The following DIP2A variants were observed in gnomAD, a reference collection of about 807,000 sequenced individuals.
DIP2A encodes disco-interacting protein 2 homolog A.
A neutral mutation model predicts 177.4 loss-of-function variants in DIP2A; 85 were observed. The observed-to-expected ratio is 0.48, with a 90% CI of 0.40 to 0.57. The LOEUF is 0.57. DIP2A is among the 20% of genes least tolerant of loss of function. The pLI, the probability that DIP2A is intolerant of heterozygous loss-of-function variation, is 0.00. For missense variants in DIP2A, 1,791 were observed against 2,100.2 expected, an observed-to-expected ratio of 0.85 and a Z score of 2.88; for synonymous variants, 886 against 881.8, an observed-to-expected ratio of 1.00 and a Z score of -0.08.
intron 34 of DIP2A, among the ~76,000 whole-genome samples, chr21:46,562,998 AC>A (rs898107479): frequency 2.6e-5 from 4 of 151,544 alleles, no homozygotes; most frequent in Non-Finnish European, 5.9e-5. Context: ...TGTTTAGCTC[AC>A]CCCCTTTTAT....
intron 35 of DIP2A, among the ~76,000 whole-genome samples, chr21:46,565,162 T>TA (rs1247118996): frequency 6.6e-6 from 1 of 152,212 alleles, no homozygotes; most frequent in Non-Finnish European, 1.5e-5. Context: ...ACAAAATGCT[T>TA]ACGTGTGTAG....
chr21:46,533,725 C>A, intron 11 of DIP2A, 78 bp downstream of exon 11: 2 of 1,589,336 alleles, frequency 1.3e-6, no homozygotes, highest in Non-Finnish European at 8.6e-7. Context: ...AGAAATTAAA[C>A]ATGACAGAGG....
chr21:46,525,384 C>G (rs1288665859), intron 8 of DIP2A, among the ~76,000 whole-genome samples: 1 of 152,164 alleles, frequency 6.6e-6, no homozygotes, highest in Non-Finnish European at 1.5e-5. Context: ...CTGTCCCGTT[C>G]TTGTCTAAGG....
intron 1 of DIP2A, among the ~76,000 whole-genome samples, chr21:46,477,609 T>C (rs1010190203): frequency 7.1e-6 from 1 of 141,076 alleles, no homozygotes; most frequent in African/African-American, 2.6e-5. Context: ...AGTCTTGTCC[T>C]GTCGCCCAGG....
At chr21:46,461,990 G>T (rs1303656120) in intron 1 of DIP2A, among the ~76,000 whole-genome samples, 1 of 152,210 alleles carries the variant, frequency 6.6e-6, no homozygotes, top group South Asian at 2.1e-4. Context: ...TGACGAGGTT[G>T]TGAGCCTTTA....
chr21:46,493,083 T>G (rs1267959550), intron 3 of DIP2A, among the ~76,000 whole-genome samples: 1 of 152,164 alleles, frequency 6.6e-6, no homozygotes, highest in African/African-American at 2.4e-5. Flanking sequence ...ACCTTGATCT[T>G]GGACATACAG....
chr21:46,458,988 C>T lies in DIP2A; in HGVS notation c.-144C>T. The T allele has an allele frequency of 8.1e-6, 5 of 616,470 alleles. No homozygotes were observed. Among genetic ancestry groups the T allele is most frequent in the Admixed American group, 4.4e-5 (1 of 22,530 alleles). The allele number at this position is 616,470 out of a possible 1,614,324, so 38.2% of individuals were successfully genotyped here. Reference sequence around the variant, plus strand: ...CGCGCGGGTGCGTTGCTGTCCTGGCCGCGCCCCTGTCCCGCCGCCTCCCGC... The same window carrying T: ...CGCGCGGGTGCGTTGCTGTCCTGGCTGCGCCCCTGTCCCGCCGCCTCCCGC... On this transcript the variant is annotated 5_prime_UTR_variant, in exon 1 of 38. Transcript: ENST00000417564.
At chr21:46,548,943 C>A (rs955716498) in intron 21 of DIP2A, among the ~76,000 whole-genome samples, 4 of 152,232 alleles carry the variant, frequency 2.6e-5, no homozygotes, top group African/African-American at 9.6e-5. Context: ...TCCAAATTGT[C>A]ACTTTATTGT....
intron 1 of DIP2A, among the ~76,000 whole-genome samples, chr21:46,460,032 G>T (rs749440070): frequency 6.6e-6 from 1 of 152,156 alleles, no homozygotes; most frequent in Admixed American, 6.5e-5. Flanking sequence ...CTTGCCGCGC[G>T]CCTCATACTC....
rs2060463994 is a variant in DIP2A, at chr21:46,556,278, G to GT, written c.3498+191dup. The GT allele has an allele frequency of 2.0e-6, 3 of 1,479,826 alleles. No homozygotes were observed. Among genetic ancestry groups the GT allele is most frequent in the Non-Finnish European group, 2.8e-6 (3 of 1,086,944 alleles). 91.7% of individuals were successfully genotyped at this position (1,479,826 alleles called of 1,614,324 possible). ...GATGTGATTAGCCTGAGAGTAATGC[G>GT]TTTTCTGATGCATTATGGTTATGTC... On this transcript the variant is annotated intron_variant, in intron 29 of 37. Transcript: ENST00000417564. The surrounding 1 kb of genome is among the most constrained non-coding windows in gnomAD (Gnocchi z 4.5).
At position 46,569,521 on chromosome 21, in the gene DIP2A, T is replaced by C. The variant is rs1006214825; in HGVS notation, c.*1899T>C. Reference sequence around the variant, plus strand: ...AAACTACCTAACTCCAATCTTAATGTTGTAGTTTTATAGCAAACAAAAATT... The same window carrying C: ...AAACTACCTAACTCCAATCTTAATGCTGTAGTTTTATAGCAAACAAAAATT... On this transcript the variant is annotated 3_prime_UTR_variant, in exon 38 of 38. Coordinates refer to ENST00000417564, the MANE Select transcript of DIP2A (RefSeq NM_015151.4). 3 of 151,718 alleles carry C rather than the reference T, an allele frequency of 2.0e-5. No homozygotes were observed. The highest frequency in any genetic ancestry group is 7.3e-5 in the African/African-American group (3 of 41,312). 9.4% of individuals were successfully genotyped at this position (151,718 alleles called of 1,614,324 possible).
intron 21 of DIP2A, among the ~76,000 whole-genome samples, chr21:46,547,725 A>T: frequency 7.4e-6 from 1 of 135,400 alleles, no homozygotes; most frequent in East Asian, 2.4e-4. Context: ...GCTGGAGTGC[A>T]GTAGTGTGAC....
intron 17 of DIP2A, 99 bp from the exon 18 acceptor site, chr21:46,541,656 AG>A: frequency 7.3e-7 from 1 of 1,362,488 alleles, no homozygotes; most frequent in East Asian, 2.3e-5. Flanking sequence ...AACATGGAGC[AG>A]TGGCTTTGGT....
At chr21:46,510,084 A>C (rs2058233062) in intron 7 of DIP2A, among the ~76,000 whole-genome samples, 1 of 152,230 alleles carries the variant, frequency 6.6e-6, no homozygotes, top group Non-Finnish European at 1.5e-5. Context: ...TCATTAAGGC[A>C]TATTGACTCA....
chr21:46,546,104 C>A, intron 20 of DIP2A, 143 bp downstream of exon 20: 1 of 1,497,506 alleles, frequency 6.7e-7, no homozygotes, highest in Non-Finnish European at 8.9e-7. Flanking sequence ...ACCTCCCTGC[C>A]CATCACCCTA....
intron 9 of DIP2A, among the ~76,000 whole-genome samples, chr21:46,530,712 A>G (rs778643085): frequency 3.9e-5 from 6 of 152,202 alleles, no homozygotes; most frequent in Non-Finnish European, 7.3e-5. Context: ...TCAGGACAAT[A>G]TCCCGGACCT....
At chr21:46,524,412 C>T (rs568664329) in intron 8 of DIP2A, among the ~76,000 whole-genome samples, 20 of 152,310 alleles carry the variant, frequency 1.3e-4, no homozygotes, top group Admixed American at 1.2e-3. Context: ...TAACCCAGTT[C>T]CATCCTTTAC....
intron 3 of DIP2A, among the ~76,000 whole-genome samples, chr21:46,491,510 A>G (rs1355822611): frequency 1.3e-5 from 2 of 152,270 alleles, no homozygotes; most frequent in Non-Finnish European, 2.9e-5. Context: ...AAACTTTATC[A>G]TGTGGCAAAC....
chr21:46,496,006 A>G (rs2057338542), intron 3 of DIP2A, among the ~76,000 whole-genome samples: 2 of 151,696 alleles, frequency 1.3e-5, no homozygotes, highest in South Asian at 4.2e-4. Context: ...CGGGAGGCGG[A>G]GATTGCAGTG....
Sources: gnomAD v4.1 joint callset for allele counts (sites outside exome capture counted in the v4.1 genomes callset) on GRCh38, gnomAD v4.1.1 for gene constraint, Gnocchi (gnomAD v3.1) non-coding constraint, MANE v1.5 for transcripts, NCBI Gene and HGNC (gene_info 2026-07-23, HGNC 2026-07-21) for gene names.